DCLK2: variants seen among roughly 807,000 people sequenced by gnomAD.
The protein encoded by DCLK2 is doublecortin like kinase 2.
A neutral mutation model predicts 78.4 loss-of-function variants in DCLK2; 31 were observed. The ratio of observed to expected loss-of-function variants is 0.40; its 90% CI spans 0.30 to 0.53. DCLK2 has a LOEUF of 0.53. Ranked by LOEUF, DCLK2 falls within the 20% of genes least tolerant of loss-of-function variation. DCLK2 has a pLI of 0.61. For synonymous variants in DCLK2, 407 were observed against 374.9 expected (o/e 1.09, Z -0.99); for missense variants, 872 against 973.7 (o/e 0.90, Z 1.39).
rs760243969 is a variant in DCLK2, at chr4:150,224,575, C to T, written c.1299+17C>T. On this transcript the variant is annotated intron_variant, in intron 8 of 15. Transcript: ENST00000296550. ...TGTGGAAAGGTATAGTATGCATAACCCCTAGTTCTGAAAGAAACTAGAGTA... is the reference window on the plus strand; with the variant it reads ...TGTGGAAAGGTATAGTATGCATAACTCCTAGTTCTGAAAGAAACTAGAGTA... 4.4e-6 allele frequency: 7 copies of T among 1,594,160 alleles called. No homozygotes were observed. Among genetic ancestry groups the T allele is most frequent in the Non-Finnish European group, 6.0e-6 (7 of 1,172,540 alleles).
rs564546092 is a variant in DCLK2 at position 150,101,901 on chromosome 4, GC to G, written c.422-575del. On this transcript the variant is annotated intron_variant, in intron 1 of 15. Transcript: ENST00000296550. The stretch of plus-strand genomic sequence containing the variant: ...TAGCTGAGGTATATTTCTTTTAGCT[GC>G]CAGAACTCTTCCATAATGTTTGTGG... Among the ~76,000 whole-genome samples the G allele has an allele frequency of 8.5e-5, 13 of 152,230 alleles. No homozygotes were observed. In the South Asian group the frequency reaches 2.7e-3, roughly 32 times the overall value.
intron 12 of DCLK2, among the ~76,000 whole-genome samples, chr4:150,241,032 G>C (rs1330096382): frequency 6.6e-6 from 1 of 152,122 alleles, no homozygotes; most frequent in African/African-American, 2.4e-5. Flanking sequence ...AATCCTTCCA[G>C]GTATGTCATC....
intron 1 of DCLK2, among the ~76,000 whole-genome samples, chr4:150,079,689 C>T (rs1203200700): frequency 6.6e-6 from 1 of 151,938 alleles, no homozygotes; most frequent in Non-Finnish European, 1.5e-5. Context: ...ATGGTCAGGC[C>T]AATTTAGGCA....
intron 5 of DCLK2, among the ~76,000 whole-genome samples, chr4:150,220,406 T>C (rs1033285341): frequency 6.6e-6 from 1 of 152,210 alleles, no homozygotes; most frequent in Non-Finnish European, 1.5e-5. Context: ...AATAACTATC[T>C]TATCCAGCTA....
intron 2 of DCLK2, among the ~76,000 whole-genome samples, chr4:150,109,706 C>T (rs1054753788): frequency 6.6e-6 from 1 of 152,178 alleles, no homozygotes; most frequent in Non-Finnish European, 1.5e-5. Flanking sequence ...TTCGCACTTG[C>T]AAAGTGTGGG....
intron 15 of DCLK2, chr4:150,254,021 AT>A: frequency 1.7e-6 from 1 of 595,272 alleles, no homozygotes; most frequent in Non-Finnish European, 2.1e-6. Context: ...GAGGTGTGGG[AT>A]TACAGTTCCC....
chr4:150,110,031 C>G (rs990305748), intron 2 of DCLK2, among the ~76,000 whole-genome samples: 19 of 152,176 alleles, frequency 1.2e-4, no homozygotes, highest in Non-Finnish European at 8.8e-5. Context: ...CGTTGTAAAG[C>G]AATTTCCTTT....
intron 1 of DCLK2, among the ~76,000 whole-genome samples, chr4:150,089,631 T>C (rs1366895263): frequency 6.6e-6 from 1 of 152,224 alleles, no homozygotes; most frequent in African/African-American, 2.4e-5. Context: ...ATTACTTCAA[T>C]TACATTAGTT....
At chr4:150,104,255 G>A (rs1383296820) in intron 2 of DCLK2, among the ~76,000 whole-genome samples, 1 of 151,634 alleles carries the variant, frequency 6.6e-6, no homozygotes, top group Non-Finnish European at 1.5e-5. Context: ...AGGTGTGGTG[G>A]TGCACTCCTA....
chr4:150,233,938 A>C (rs534155806), intron 10 of DCLK2, among the ~76,000 whole-genome samples: 1 of 152,286 alleles, frequency 6.6e-6, no homozygotes, highest in South Asian at 2.1e-4. Flanking sequence ...CACTCCTCCC[A>C]GCCCCCCACA....
At chr4:150,178,874 A>G (rs1465425589) in intron 2 of DCLK2, among the ~76,000 whole-genome samples, 2 of 152,146 alleles carry the variant, frequency 1.3e-5, no homozygotes, top group African/African-American at 2.4e-5. Flanking sequence ...TAAGCTCACA[A>G]ATGTTAAATG....
chr4:150,220,188 G>T (rs753969969), intron 5 of DCLK2, among the ~76,000 whole-genome samples: 1 of 152,146 alleles, frequency 6.6e-6, no homozygotes, highest in Non-Finnish European at 1.5e-5. Context: ...TAAACATTCT[G>T]CCATAGAGTG....
At chr4:150,113,499 A>G (rs1299995770) in intron 2 of DCLK2, among the ~76,000 whole-genome samples, 2 of 152,056 alleles carry the variant, frequency 1.3e-5, no homozygotes, top group African/African-American at 2.4e-5. Context: ...GTTTCCAGGA[A>G]TTTGTGCATT....
At chr4:150,232,595 C>A in intron 9 of DCLK2, 87 bp from the exon 10 acceptor site, 1 of 1,531,002 alleles carries the variant, frequency 6.5e-7, no homozygotes, top group Non-Finnish European at 8.9e-7. Context: ...TTGTGTCATT[C>A]TCTGCTTTAT....
At position 150,224,956 on chromosome 4, in the gene DCLK2, G is replaced by A. The variant is rs150000323; in HGVS notation, c.1299+398G>A. ...AGAGACAAAAGGATTTGTTATTCCTGACACAGCAGGTAGCATGAGCTTCAT... is the reference window on the plus strand; with the variant it reads ...AGAGACAAAAGGATTTGTTATTCCTAACACAGCAGGTAGCATGAGCTTCAT... On this transcript the variant is annotated intron_variant, in intron 8 of 15. Transcript: ENST00000296550. Among the ~76,000 whole-genome samples the A allele has an allele frequency of 1.1e-3, 168 of 152,242 alleles. 5 individuals carry two copies. In the East Asian group the frequency reaches 0.031, roughly 28 times the overall value.
chr4:150,232,429 G>C lies in DCLK2; in HGVS notation c.1392G>C (p.Glu464Asp). The change falls in exon 9 of 16, where the codon GAG becomes GAC. Residue 464 changes from glutamate (E) to aspartate (D), a missense_variant. Coordinates refer to ENST00000296550, the MANE Select transcript of DCLK2 (RefSeq NM_001040260.4). ...MLVEEMETATELFLVMELVKG... is the reference protein window; with the variant it reads ...MLVEEMETATDLFLVMELVKG... The stretch of plus-strand genomic sequence containing the variant: ...TCGAGGAGATGGAAACAGCAACTGA[G>C]CTCTTTCTGGTGATGGAATTGGTCA... The C allele has an allele frequency of 6.2e-7, 1 of 1,614,036 alleles. No individual in the cohort carries two copies.
At chr4:150,249,874 T>C (rs1743624642) in intron 15 of DCLK2, among the ~76,000 whole-genome samples, 190 bp downstream of exon 15, 1 of 152,100 alleles carries the variant, frequency 6.6e-6, no homozygotes, top group Admixed American at 6.6e-5. Flanking sequence ...TGGAGGGGCT[T>C]GTGTAGGGAC....
chr4:150,135,161 C>T (rs190709701), intron 2 of DCLK2, among the ~76,000 whole-genome samples: 60 of 132,038 alleles, frequency 4.5e-4, no homozygotes, highest in Middle Eastern at 3.7e-3. Flanking sequence ...CTCTCATACA[C>T]GTGTACACAC....
At chr4:150,185,250 A>C (rs918534295) in intron 2 of DCLK2, among the ~76,000 whole-genome samples, 1 of 152,094 alleles carries the variant, frequency 6.6e-6, no homozygotes, top group Non-Finnish European at 1.5e-5. Context: ...AAACCATCAG[A>C]TCTTGAGAGA....
Sources: allele counts gnomAD v4.1 joint callset (sites outside exome capture counted in the v4.1 genomes callset), GRCh38; gene constraint gnomAD v4.1.1; transcripts MANE v1.5; gene names NCBI Gene and HGNC (gene_info 2026-07-23, HGNC 2026-07-21).